The following CDH8 variants were observed in gnomAD, a reference collection of about 807,000 sequenced individuals.
CDH8 encodes the protein cadherin-8.
Under a neutral mutation model 68.1 loss-of-function variants are expected in CDH8, and 17 were observed. The ratio of observed to expected loss-of-function variants is 0.25; its 90% CI spans 0.17 to 0.37. CDH8 has a LOEUF of 0.37. CDH8 is among the 10% of genes least tolerant of loss of function. The probability of loss-of-function intolerance (pLI) is 1.00; values close to 1 mark genes in which losing one functional copy is unlikely to be tolerated. For synonymous variants in CDH8, 372 were observed against 365.1 expected, an observed-to-expected ratio of 1.02 and a Z score of -0.21; for missense variants, 763 against 999.3, an observed-to-expected ratio of 0.76 and a Z score of 3.19.
intron 6 of CDH8, among the ~76,000 whole-genome samples, chr16:61,819,638 A>G (rs948947493): frequency 1.3e-5 from 2 of 152,136 alleles, no homozygotes; most frequent in African/African-American, 2.4e-5. Flanking sequence ...TGTTTTATAA[A>G]AAAGAATATC....
intron 2 of CDH8, among the ~76,000 whole-genome samples, chr16:61,927,953 T>C (rs1344085663): frequency 1.3e-5 from 2 of 152,238 alleles, no homozygotes; most frequent in Non-Finnish European, 2.9e-5. Context: ...TCCATTGCAA[T>C]ATTATTTGTA....
intron 1 of CDH8, among the ~76,000 whole-genome samples, chr16:62,035,626 C>T (rs1197756596): frequency 2.0e-5 from 3 of 152,170 alleles, no homozygotes. Context: ...CCACTCGGGC[C>T]CCCTCGCCTC....
chr16:61,880,601 A>C (rs1370428478), intron 3 of CDH8, among the ~76,000 whole-genome samples: 1 of 152,170 alleles, frequency 6.6e-6, no homozygotes, highest in African/African-American at 2.4e-5. Flanking sequence ...ACAGTTGAGA[A>C]GTAGAAGATG....
intron 2 of CDH8, among the ~76,000 whole-genome samples, chr16:61,981,675 T>TGTGTGTGCGC (rs1555526830): frequency 4.6e-5 from 7 of 151,008 alleles, no homozygotes; most frequent in Non-Finnish European, 5.9e-5. Flanking sequence ...TGTGTGTGTG[T>TGTGTGTGCGC]GTGTGTGCGC....
At position 61,655,688 on chromosome 16, in the gene CDH8, C is replaced by T. The variant is rs1567405312; in HGVS notation, c.1688G>A (p.Gly563Glu). The change falls in exon 11 of 12, where the codon GGA (glycine) becomes GAA (glutamate). Residue 563 changes from glycine to glutamate, a missense_variant. Transcript: ENST00000577390. ...NSLSILAKHN[G>E]FNRQKQEVYL... is the part of the protein sequence containing the mutation. ...GACTTCTTGCTTCTGGCGGTTGAAT[C>T]CATTATGCTTTGCCAAAATACTGAG... 1.9e-6 allele frequency: 3 copies of T among 1,613,904 alleles called. No individual in the cohort carries two copies. In the South Asian group the frequency reaches 3.3e-5, roughly 18 times the overall value.
chr16:62,004,774 T>A (rs1049162369), intron 2 of CDH8, among the ~76,000 whole-genome samples: 1 of 152,182 alleles, frequency 6.6e-6, no homozygotes, highest in Non-Finnish European at 1.5e-5. Flanking sequence ...AGTTTCAAAT[T>A]AAGTATCTGC....
At chr16:61,852,293 T>C (rs1567500200) in intron 4 of CDH8, among the ~76,000 whole-genome samples, 1 of 152,104 alleles carries the variant, frequency 6.6e-6, no homozygotes, top group African/African-American at 2.4e-5. Flanking sequence ...CACAGTTTGG[T>C]TTAGTGTTTT....
chr16:61,657,031 T>A (rs1381194432), intron 10 of CDH8, among the ~76,000 whole-genome samples: 1 of 149,730 alleles, frequency 6.7e-6, no homozygotes, highest in African/African-American at 2.5e-5. Flanking sequence ...AAGTGCCTAG[T>A]GTTATTTGGG....
intron 2 of CDH8, among the ~76,000 whole-genome samples, chr16:61,936,943 G>T (rs189545201): frequency 5.3e-5 from 8 of 152,156 alleles, no homozygotes; most frequent in African/African-American, 1.9e-4. Flanking sequence ...ATAAAATCAC[G>T]TATCTCTGGG....
intron 3 of CDH8, among the ~76,000 whole-genome samples, chr16:61,872,908 G>A (rs962960782): frequency 6.6e-6 from 1 of 152,174 alleles, no homozygotes; most frequent in Admixed American, 6.5e-5. Context: ...TGGGCTTTTA[G>A]GATGATACAA....
chr16:61,984,985 C>A (rs1179468391), intron 2 of CDH8, among the ~76,000 whole-genome samples: 1 of 152,020 alleles, frequency 6.6e-6, no homozygotes, highest in East Asian at 1.9e-4. Flanking sequence ...TTTTTGGGGC[C>A]TTTTAAATCC....
chr16:61,926,372 T>C (rs1026904826), intron 2 of CDH8, among the ~76,000 whole-genome samples: 4 of 152,194 alleles, frequency 2.6e-5, no homozygotes, highest in Non-Finnish European at 4.4e-5. Context: ...TAATCTCCAA[T>C]ACTTCACATT....
chr16:61,737,685 A>G (rs1959737596), intron 8 of CDH8, among the ~76,000 whole-genome samples: 2 of 152,156 alleles, frequency 1.3e-5, no homozygotes, highest in African/African-American at 4.8e-5. Context: ...TAACCAACGG[A>G]CACCAAGAGG....
intron 3 of CDH8, among the ~76,000 whole-genome samples, chr16:61,862,760 T>C (rs1194118089): frequency 6.6e-6 from 1 of 152,172 alleles, no homozygotes; most frequent in African/African-American, 2.4e-5. Context: ...TGGATATGCA[T>C]ACAGAATGCA....
chr16:61,861,436 A>G (rs1018541421), intron 3 of CDH8, among the ~76,000 whole-genome samples: 1 of 152,212 alleles, frequency 6.6e-6, no homozygotes, highest in African/African-American at 2.4e-5. Context: ...AAGACTGATG[A>G]TGAACATATC....
chr16:61,836,830 A>G (rs540343360), intron 4 of CDH8, among the ~76,000 whole-genome samples: 35 of 152,076 alleles, frequency 2.3e-4, no homozygotes, highest in African/African-American at 7.9e-4. Flanking sequence ...TAAAACATTG[A>G]GATATACAAA....
At chr16:61,772,651 T>G (rs1960807279) in intron 8 of CDH8, among the ~76,000 whole-genome samples, 1 of 152,090 alleles carries the variant, frequency 6.6e-6, no homozygotes, top group Non-Finnish European at 1.5e-5. Flanking sequence ...TTTAACCAGA[T>G]GCCAATTTCT....
intron 2 of CDH8, among the ~76,000 whole-genome samples, chr16:62,010,413 C>T (rs1035090904): frequency 6.6e-6 from 1 of 152,104 alleles, no homozygotes; most frequent in African/African-American, 2.4e-5. Context: ...GTGATCACCA[C>T]GCACAGGTTT....
At chr16:61,755,142 A>G (rs1960278730) in intron 8 of CDH8, among the ~76,000 whole-genome samples, 1 of 152,210 alleles carries the variant, frequency 6.6e-6, no homozygotes, top group Non-Finnish European at 1.5e-5. Flanking sequence ...TGGTTAAGTC[A>G]GTTTGCAAGA....
Sources: gnomAD v4.1 joint callset for allele counts (sites outside exome capture counted in the v4.1 genomes callset) on GRCh38, gnomAD v4.1.1 for gene constraint, MANE v1.5 for transcripts, NCBI Gene and HGNC (gene_info 2026-07-23, HGNC 2026-07-21) for gene names.